Variants in MAGI1 observed in about 807,000 individuals in gnomAD.
The protein encoded by MAGI1 is membrane associated guanylate kinase, WW and PDZ domain containing 1, also known as membrane-associated guanylate kinase, WW and PDZ domain-containing protein 1.
A neutral mutation model predicts 139.9 loss-of-function variants in MAGI1; 58 were observed. The observed-to-expected ratio is 0.41, with a 90% confidence interval of 0.34 to 0.52. The LOEUF (loss-of-function observed/expected upper bound fraction) is 0.52, where lower values mean the gene tolerates loss of function less well. MAGI1 is among the 20% of genes least tolerant of loss of function. MAGI1 has a pLI of 0.12. For missense variants in MAGI1, 1,874 were observed against 1,901.6 expected (o/e 0.99, Z 0.27); for synonymous variants, 812 against 737.9 (o/e 1.10, Z -1.63).
At chr3:65,780,592 T>G (rs1411122508) in intron 1 of MAGI1, among the ~76,000 whole-genome samples, 1 of 152,224 alleles carries the variant, frequency 6.6e-6, no homozygotes, top group Non-Finnish European at 1.5e-5. Context: ...AACAGCTGAC[T>G]TAAAGTTTCC....
intron 13 of MAGI1, among the ~76,000 whole-genome samples, chr3:65,396,239 A>T (rs534568540): frequency 6.2e-4 from 94 of 152,168 alleles, no homozygotes; most frequent in Non-Finnish European, 1.1e-3. Flanking sequence ...TCCAATGCTA[A>T]TTGTTGTCAT....
At chr3:65,780,374 T>C (rs1577090600) in intron 1 of MAGI1, among the ~76,000 whole-genome samples, 1 of 152,214 alleles carries the variant, frequency 6.6e-6, no homozygotes, top group African/African-American at 2.4e-5. Flanking sequence ...TGCTTAATTC[T>C]GAAATTACCA....
At chr3:65,809,689 G>C (rs2041097695) in intron 1 of MAGI1, among the ~76,000 whole-genome samples, 1 of 152,168 alleles carries the variant, frequency 6.6e-6, no homozygotes, top group Non-Finnish European at 1.5e-5. Flanking sequence ...CTGAGGCCAG[G>C]GAGAAGGTCA....
intron 1 of MAGI1, among the ~76,000 whole-genome samples, chr3:65,624,003 A>T (rs755855416): frequency 8.5e-5 from 13 of 152,198 alleles, no homozygotes; most frequent in Non-Finnish European, 1.5e-4. Context: ...AATATATGTG[A>T]CTATTAAGCA....
chr3:65,418,724 C>T (rs1330667667), intron 12 of MAGI1, among the ~76,000 whole-genome samples: 1 of 152,192 alleles, frequency 6.6e-6, no homozygotes, highest in Non-Finnish European at 1.5e-5. Flanking sequence ...CCTTTGACTC[C>T]ACACCCGTCT....
chr3:65,398,739 C>A (rs1944610537), intron 13 of MAGI1, among the ~76,000 whole-genome samples: 1 of 152,126 alleles, frequency 6.6e-6, no homozygotes, highest in East Asian at 1.9e-4. Context: ...GAAAATATGT[C>A]TTGTTTTTGT....
intron 2 of MAGI1, among the ~76,000 whole-genome samples, chr3:65,586,249 T>C (rs2081671322): frequency 6.6e-6 from 1 of 151,870 alleles, no homozygotes; most frequent in Non-Finnish European, 1.5e-5. Flanking sequence ...TTAAGTCCAT[T>C]TTATTAAGTG....
At chr3:65,655,532 T>A (rs1487871304) in intron 1 of MAGI1, among the ~76,000 whole-genome samples, 1 of 152,192 alleles carries the variant, frequency 6.6e-6, no homozygotes, top group East Asian at 1.9e-4. Flanking sequence ...GTTTTCCCAT[T>A]TTCCTCAACT....
chr3:65,757,163 A>T (rs2036628920), intron 1 of MAGI1, among the ~76,000 whole-genome samples: 2 of 152,088 alleles, frequency 1.3e-5, no homozygotes, highest in South Asian at 4.1e-4. Flanking sequence ...AATATATTTG[A>T]TTGTCTATGT....
At chr3:65,624,003 A>G (rs755855416) in intron 1 of MAGI1, among the ~76,000 whole-genome samples, 1 of 152,198 alleles carries the variant, frequency 6.6e-6, no homozygotes, top group Non-Finnish European at 1.5e-5. Context: ...AATATATGTG[A>G]CTATTAAGCA....
At chr3:65,612,222 T>C (rs186229163) in intron 2 of MAGI1, among the ~76,000 whole-genome samples, 17 of 152,184 alleles carry the variant, frequency 1.1e-4, no homozygotes, top group African/African-American at 4.1e-4. Flanking sequence ...ATTTTCCTTT[T>C]ATAGAAAATA....
intron 1 of MAGI1, among the ~76,000 whole-genome samples, chr3:65,994,416 C>A (rs1294500366): frequency 6.6e-6 from 1 of 152,098 alleles, no homozygotes; most frequent in East Asian, 1.9e-4. Context: ...TTATTAGTAT[C>A]TCCCCTCCTC....
At chr3:66,029,303 T>C (rs558081424) in intron 1 of MAGI1, among the ~76,000 whole-genome samples, 2 of 152,304 alleles carry the variant, frequency 1.3e-5, no homozygotes, top group East Asian at 1.9e-4. Flanking sequence ...ACGATCGCCT[T>C]TTAATTGCAC....
intron 1 of MAGI1, among the ~76,000 whole-genome samples, chr3:65,682,470 T>A (rs2087660653): frequency 6.6e-6 from 1 of 152,178 alleles, no homozygotes; most frequent in Admixed American, 6.5e-5. Context: ...AGTAAGGATA[T>A]AATCTTTAAA....
chr3:65,659,179 G>C (rs2086051215), intron 1 of MAGI1, among the ~76,000 whole-genome samples: 1 of 152,092 alleles, frequency 6.6e-6, no homozygotes, highest in Admixed American at 6.5e-5. Context: ...ATGAAGTACA[G>C]TTACCCGAGA....
intron 2 of MAGI1, among the ~76,000 whole-genome samples, chr3:65,603,609 G>A (rs1212591671): frequency 6.6e-6 from 1 of 152,208 alleles, no homozygotes; most frequent in Non-Finnish European, 1.5e-5. Context: ...AAACTGAAAA[G>A]CCTACATGCT....
intron 1 of MAGI1, among the ~76,000 whole-genome samples, chr3:65,722,930 C>T (rs1044381769): frequency 1.3e-5 from 2 of 151,304 alleles, no homozygotes; most frequent in Admixed American, 1.3e-4. Context: ...TGAATACTAC[C>T]TTTGATTTTT....
intron 1 of MAGI1, among the ~76,000 whole-genome samples, chr3:65,638,574 G>C (rs1306842064): frequency 1.4e-5 from 2 of 145,006 alleles, no homozygotes; most frequent in Non-Finnish European, 3.0e-5. Flanking sequence ...GGGACTACAG[G>C]AGTGCGCCAC....
At chr3:65,982,168 T>C (rs778942994) in intron 1 of MAGI1, among the ~76,000 whole-genome samples, 2 of 152,194 alleles carry the variant, frequency 1.3e-5, no homozygotes, top group Admixed American at 6.5e-5. Flanking sequence ...TGCCTGCACC[T>C]CTTGGTCGAG....
Sources: allele counts gnomAD v4.1 joint callset (sites outside exome capture counted in the v4.1 genomes callset), GRCh38; gene constraint gnomAD v4.1.1; transcripts MANE v1.5; gene names NCBI Gene and HGNC (gene_info 2026-07-23, HGNC 2026-07-21).